Variants in SSBP3 observed in about 807,000 individuals in gnomAD.
The protein encoded by SSBP3 is single stranded DNA binding protein 3, also known as single-stranded DNA-binding protein 3.
SSBP3 carries 5 observed loss-of-function variants against 69.6 expected under a neutral mutation model. That is an observed-to-expected ratio of 0.07 (90% confidence interval 0.04 to 0.15). The LOEUF (loss-of-function observed/expected upper bound fraction) is 0.15. Ranked by LOEUF, SSBP3 falls within the 10% of genes least tolerant of loss-of-function variation. The pLI, the probability that SSBP3 is intolerant of heterozygous loss-of-function variation, is 1.00. For synonymous variants in SSBP3, 196 were observed against 193.4 expected (o/e 1.01, Z -0.11); for missense variants, 312 against 534.0 (o/e 0.58, Z 4.10).
At chr1:54,245,009 C>T (rs1644708503) in intron 9 of SSBP3, among the ~76,000 whole-genome samples, 2 of 152,180 alleles carry the variant, frequency 1.3e-5, no homozygotes, top group African/African-American at 4.8e-5. Flanking sequence ...CCACCCCATG[C>T]ACCCAGTGGC....
chr1:54,358,347 T>C (rs1646900691), intron 4 of SSBP3, among the ~76,000 whole-genome samples: 1 of 152,192 alleles, frequency 6.6e-6, no homozygotes, highest in South Asian at 2.1e-4. Flanking sequence ...TTATCAGGTG[T>C]TCCCCTGAAG....
chr1:54,389,893 T>C (rs1648360453), intron 4 of SSBP3, among the ~76,000 whole-genome samples: 1 of 151,006 alleles, frequency 6.6e-6, no homozygotes, highest in South Asian at 2.1e-4. Flanking sequence ...AAAAAAATTT[T>C]TTTTTTTTAA....
At chr1:54,305,960 C>T (rs768354955) in intron 4 of SSBP3, among the ~76,000 whole-genome samples, 13 of 151,314 alleles carry the variant, frequency 8.6e-5, no homozygotes, top group Non-Finnish European at 1.3e-4. Context: ...CTTCCCCAGT[C>T]CTCATTTGTA....
intron 4 of SSBP3, among the ~76,000 whole-genome samples, chr1:54,304,931 C>T (rs374201964): frequency 1.3e-5 from 2 of 152,158 alleles, no homozygotes; most frequent in East Asian, 1.9e-4. Flanking sequence ...CACCACCACC[C>T]CCACCGACAC....
chr1:54,248,005 G>A (rs1339983317), intron 9 of SSBP3, among the ~76,000 whole-genome samples: 1 of 152,212 alleles, frequency 6.6e-6, no homozygotes, highest in Non-Finnish European at 1.5e-5. Context: ...CTGCGTTGCT[G>A]GTTCCTGTGA....
At chr1:54,353,301 G>A (rs1406081072) in intron 4 of SSBP3, among the ~76,000 whole-genome samples, 2 of 152,180 alleles carry the variant, frequency 1.3e-5, no homozygotes, top group Admixed American at 6.5e-5. Flanking sequence ...GGGAAAAACT[G>A]CAGGCCAAAA....
intron 4 of SSBP3, among the ~76,000 whole-genome samples, chr1:54,373,102 C>T (rs573889478): frequency 6.6e-6 from 1 of 152,198 alleles, no homozygotes; most frequent in African/African-American, 2.4e-5. Context: ...CCCGCATAAC[C>T]TCCTGGCACA....
At chr1:54,272,828 G>C (rs1475514038) in intron 5 of SSBP3, among the ~76,000 whole-genome samples, 1 of 152,230 alleles carries the variant, frequency 6.6e-6, no homozygotes, top group Non-Finnish European at 1.5e-5. Context: ...AGCATGAGGT[G>C]AACGCAGCTA....
Position 54,381,692 on chromosome 1 carries a change from C to T in SSBP3, c.276+20169G>A, listed in dbSNP as rs148601905. ...GGGACCACAAAGGTATCATTTACCA[C>T]CACTTTACAGAGGAGGAAGCAAAAC... On this transcript the variant is annotated intron_variant, in intron 4 of 17. Coordinates refer to ENST00000610401, the Ensembl canonical transcript of SSBP3. Among the ~76,000 whole-genome samples, 22 of 152,302 alleles carry T rather than the reference C, an allele frequency of 1.4e-4. No homozygotes were observed. The East Asian group carries it at 3.9e-3, about 27-fold the overall frequency.
chr1:54,382,933 C>T (rs1204296162), intron 4 of SSBP3, among the ~76,000 whole-genome samples: 1 of 134,180 alleles, frequency 7.5e-6, no homozygotes, highest in Non-Finnish European at 1.5e-5. Context: ...TGCGGTGAGC[C>T]GAGATCGTGC....
intron 14 of SSBP3, among the ~76,000 whole-genome samples, chr1:54,235,238 T>C (rs1388051498): frequency 6.6e-6 from 1 of 151,724 alleles, no homozygotes; most frequent in Non-Finnish European, 1.5e-5. Context: ...GCATCTGTAA[T>C]TCATCAGATG....
chr1:54,279,888 C>T (rs1645359677), intron 5 of SSBP3, among the ~76,000 whole-genome samples: 1 of 152,192 alleles, frequency 6.6e-6, no homozygotes, highest in Admixed American at 6.5e-5. Flanking sequence ...ACTCTCAACC[C>T]ATCTTTAATA....
chr1:54,353,055 AC>A (rs1439681768), intron 4 of SSBP3, among the ~76,000 whole-genome samples: 4 of 152,174 alleles, frequency 2.6e-5, no homozygotes, highest in African/African-American at 9.6e-5. Flanking sequence ...GTGTCCTCAG[AC>A]CGTCATGCCA....
chr1:54,377,069 C>G (rs1472397879), intron 4 of SSBP3, among the ~76,000 whole-genome samples: 1 of 152,188 alleles, frequency 6.6e-6, no homozygotes, highest in Non-Finnish European at 1.5e-5. Flanking sequence ...AGTCCTCAGT[C>G]AAGGGCATTT....
rs1250639715 is a variant in SSBP3 at position 54,253,062 on chromosome 1, C to T, written c.508-1202G>A. Among the ~76,000 whole-genome samples, 3 of 151,988 alleles carry T rather than the reference C, an allele frequency of 2.0e-5. No individual in the cohort carries two copies. The East Asian group carries it at 5.8e-4, about 29-fold the overall frequency. On this transcript the variant is annotated intron_variant, in intron 7 of 17. Coordinates refer to ENST00000610401, the Ensembl canonical transcript of SSBP3. The stretch of plus-strand genomic sequence containing the variant: ...AGGGACAGACTGTTCACTGATTTCC[C>T]TAGCTTCAGAATGGAACAGGGGAGC...
intron 5 of SSBP3, among the ~76,000 whole-genome samples, chr1:54,270,897 G>A (rs1315593841): frequency 6.6e-6 from 1 of 152,160 alleles, no homozygotes; most frequent in Non-Finnish European, 1.5e-5. Flanking sequence ...GCCCACCCAG[G>A]CTGTGTGACA....
chr1:54,306,460 C>T (rs1237495936), intron 4 of SSBP3, among the ~76,000 whole-genome samples: 3 of 152,168 alleles, frequency 2.0e-5, no homozygotes, highest in African/African-American at 7.2e-5. Flanking sequence ...GTAAAAAGCC[C>T]GGCCACACTG....
intron 4 of SSBP3, among the ~76,000 whole-genome samples, chr1:54,365,895 C>A (rs75910960): frequency 6.6e-6 from 1 of 152,228 alleles, no homozygotes; most frequent in Admixed American, 6.5e-5. Flanking sequence ...CAGCCACTTA[C>A]TAGCTGTATA....
At chr1:54,379,891 G>A (rs924699197) in intron 4 of SSBP3, among the ~76,000 whole-genome samples, 6 of 152,168 alleles carry the variant, frequency 3.9e-5, no homozygotes, top group Non-Finnish European at 7.4e-5. Flanking sequence ...CCCACCCGCC[G>A]TTCTAAAACA....
Sources: allele counts gnomAD v4.1 joint callset (sites outside exome capture counted in the v4.1 genomes callset), GRCh38; gene constraint gnomAD v4.1.1; transcripts MANE v1.5; gene names NCBI Gene and HGNC (gene_info 2026-07-23, HGNC 2026-07-21).